The following AK8 variants were observed in gnomAD, a reference collection of about 807,000 sequenced individuals.
AK8 encodes the protein ATP-AMP transphosphorylase 8.
A neutral mutation model predicts 54.6 loss-of-function variants in AK8; 44 were observed. The observed-to-expected ratio is 0.81, with a 90% CI of 0.63 to 1.04. The LOEUF (loss-of-function observed/expected upper bound fraction) is 1.04. AK8 is among the 50% of genes least tolerant of loss of function. The probability of loss-of-function intolerance (pLI) is 0.00; values close to 1 mark genes in which losing one functional copy is unlikely to be tolerated. For missense variants in AK8, 555 were observed against 613.6 expected, an observed-to-expected ratio of 0.90 and a Z score of 1.01; for synonymous variants, 239 against 245.6, an observed-to-expected ratio of 0.97 and a Z score of 0.25.
At chr9:132,800,473 C>T (rs987266993) in intron 10 of AK8, among the ~76,000 whole-genome samples, 1 of 152,118 alleles carries the variant, frequency 6.6e-6, no homozygotes, top group Non-Finnish European at 1.5e-5. Flanking sequence ...GAGGGTAAGG[C>T]CACTGGATCT....
At chr9:132,832,360 G>A (rs1842143405) in intron 5 of AK8, among the ~76,000 whole-genome samples, 1 of 151,882 alleles carries the variant, frequency 6.6e-6, no homozygotes, top group Admixed American at 6.6e-5. Context: ...GCGCCGGGCT[G>A]CAGCTCTTAG....
intron 2 of AK8, among the ~76,000 whole-genome samples, chr9:132,872,968 C>G (rs1052778049): frequency 2.0e-5 from 3 of 152,190 alleles, no homozygotes; most frequent in Non-Finnish European, 2.9e-5. Context: ...CCCGCCACCA[C>G]GCCCAGCTAA....
At chr9:132,726,010 ATT>A in intron 12 of AK8, 85 bp from the exon 13 acceptor site, 1 of 1,246,462 alleles carries the variant, frequency 8.0e-7, no homozygotes, top group African/African-American at 1.5e-5. Context: ...CTGTGGACCA[ATT>A]TGGGGTGTCC....
chr9:132,812,787 C>T (rs967092814), intron 10 of AK8, among the ~76,000 whole-genome samples: 1 of 152,200 alleles, frequency 6.6e-6, no homozygotes, highest in Non-Finnish European at 1.5e-5. Context: ...CATAAGAGCT[C>T]GTGCTGGTTT....
intron 11 of AK8, among the ~76,000 whole-genome samples, chr9:132,761,895 A>G (rs1838491673): frequency 6.8e-6 from 1 of 147,094 alleles, no homozygotes; most frequent in Non-Finnish European, 1.5e-5. Context: ...TTAGAGACAG[A>G]GTCTTGTTCT....
chr9:132,761,798 C>T (rs11793812), intron 11 of AK8, among the ~76,000 whole-genome samples: 14,011 of 150,888 alleles, frequency 0.093, 889 homozygotes, highest in Non-Finnish European at 0.14. Flanking sequence ...TTCTCTTCTT[C>T]CCTCCCTCCC....
chr9:132,783,564 G>A (rs1179428446), intron 11 of AK8, among the ~76,000 whole-genome samples: 1 of 149,234 alleles, frequency 6.7e-6, no homozygotes, highest in East Asian at 1.9e-4. Flanking sequence ...GAAGGAAAGG[G>A]GCATAAAAGT....
At chr9:132,858,841 C>T (rs576620507) in intron 4 of AK8, among the ~76,000 whole-genome samples, 1 of 152,268 alleles carries the variant, frequency 6.6e-6, no homozygotes, top group African/African-American at 2.4e-5. Context: ...GAGAGCAGAC[C>T]TCATAGCGTG....
At chr9:132,849,200 G>A (rs983739294) in intron 5 of AK8, among the ~76,000 whole-genome samples, 4 of 152,060 alleles carry the variant, frequency 2.6e-5, no homozygotes, top group African/African-American at 4.8e-5. Context: ...GAGCCACTAC[G>A]CCCAGCCGGA....
At chr9:132,820,780 C>T (rs922018379) in intron 9 of AK8, among the ~76,000 whole-genome samples, 2 of 152,160 alleles carry the variant, frequency 1.3e-5, no homozygotes, top group Non-Finnish European at 2.9e-5. Context: ...GAGAGATTCA[C>T]AGATGTGAAG....
chr9:132,828,471 C>A (rs910833535), intron 6 of AK8, among the ~76,000 whole-genome samples, 174 bp downstream of exon 6: 2 of 152,236 alleles, frequency 1.3e-5, no homozygotes, highest in African/African-American at 2.4e-5. Flanking sequence ...TCTTAAGAAC[C>A]AGCCCTGAAT....
chr9:132,809,513 C>T (rs888984379), intron 10 of AK8, among the ~76,000 whole-genome samples: 17 of 152,218 alleles, frequency 1.1e-4, no homozygotes, highest in African/African-American at 4.1e-4. Flanking sequence ...CCACATCTGC[C>T]TCCACTCAGT....
chr9:132,866,848 C>T, intron 3 of AK8, 56 bp downstream of exon 3: 1 of 1,547,642 alleles, frequency 6.5e-7, no homozygotes, highest in African/African-American at 1.4e-5. Context: ...CTCATTCCAG[C>T]TCTGGAGGAT....
chr9:132,743,914 A>G (rs760712883), intron 11 of AK8, among the ~76,000 whole-genome samples: 1 of 152,170 alleles, frequency 6.6e-6, no homozygotes, highest in African/African-American at 2.4e-5. Flanking sequence ...TGCTCCGCTA[A>G]GTTCTCAGAT....
At chr9:132,748,407 G>T (rs925886390) in intron 11 of AK8, among the ~76,000 whole-genome samples, 2 of 151,724 alleles carry the variant, frequency 1.3e-5, no homozygotes, top group Non-Finnish European at 2.9e-5. Flanking sequence ...GAAGGACAAA[G>T]AGTGGGACGA....
intron 11 of AK8, among the ~76,000 whole-genome samples, chr9:132,774,542 G>A (rs1018512490): frequency 8.5e-5 from 13 of 152,158 alleles, no homozygotes; most frequent in African/African-American, 2.7e-4. Context: ...AAGGAAGATG[G>A]AAAATTGAAG....
At chr9:132,830,981 C>T (rs1842079775) in intron 5 of AK8, among the ~76,000 whole-genome samples, 2 of 152,164 alleles carry the variant, frequency 1.3e-5, no homozygotes, top group South Asian at 4.1e-4. Flanking sequence ...CTGTGATCTA[C>T]TCTGTTTCCT....
chr9:132,864,229 C>G (rs529731620), intron 3 of AK8, among the ~76,000 whole-genome samples: 2 of 152,150 alleles, frequency 1.3e-5, no homozygotes, highest in Non-Finnish European at 2.9e-5. Flanking sequence ...TTGATAATTA[C>G]TCTATAGTCT....
intron 10 of AK8, among the ~76,000 whole-genome samples, chr9:132,793,334 A>T (rs1840026161): frequency 6.6e-6 from 1 of 152,124 alleles, no homozygotes; most frequent in Non-Finnish European, 1.5e-5. Context: ...TGTCTTGGGG[A>T]TTAGATTTTA....
Sources: allele counts gnomAD v4.1 joint callset (sites outside exome capture counted in the v4.1 genomes callset), GRCh38; gene constraint gnomAD v4.1.1; transcripts MANE v1.5; gene names NCBI Gene and HGNC (gene_info 2026-07-23, HGNC 2026-07-21).